The following SLC35F1 variants were observed in gnomAD, a reference collection of about 807,000 sequenced individuals.
The protein encoded by SLC35F1 is solute carrier family 35 member F1.
SLC35F1 carries 14 observed loss-of-function variants against 48.7 expected under a neutral mutation model. The ratio of observed to expected loss-of-function variants is 0.29; its 90% confidence interval spans 0.19 to 0.45. The LOEUF (loss-of-function observed/expected upper bound fraction) is 0.45, where lower values mean the gene tolerates loss of function less well. Among genes scored for constraint, SLC35F1 ranks in the 20% least tolerant of loss-of-function variants. The probability of loss-of-function intolerance (pLI) is 1.00; values close to 1 mark genes in which losing one functional copy is unlikely to be tolerated. For synonymous variants in SLC35F1, 190 were observed against 202.2 expected (o/e 0.94, Z 0.51); for missense variants, 404 against 500.0 (o/e 0.81, Z 1.83).
rs868864366 is a variant in SLC35F1, at chr6:118,292,691, T to G, written c.1002+7353T>G. Among the ~76,000 whole-genome samples the G allele has an allele frequency of 7.9e-3, 1,208 of 152,030 alleles. 11 individuals carry two copies. Among genetic ancestry groups the G allele is most frequent in the African/African-American group, 0.027 (1,128 of 41,486 alleles). On this transcript the variant is annotated intron_variant, in intron 7 of 7. Coordinates refer to ENST00000360388, the MANE Select transcript of SLC35F1 (RefSeq NM_001029858.4). ...CCTAACATTGATTATTTGGTTGTTT[T>G]TTTTTTTTTCACTTTCCACTCTTGG... is the stretch of plus-strand genomic sequence containing the variant.
chr6:118,207,311 A>G (rs1471084216), intron 2 of SLC35F1, among the ~76,000 whole-genome samples: 1 of 152,254 alleles, frequency 6.6e-6, no homozygotes, highest in East Asian at 1.9e-4. Flanking sequence ...GAAGGTTAGT[A>G]AATGAGTCAG....
At chr6:117,980,725 A>G (rs1221314506) in intron 1 of SLC35F1, among the ~76,000 whole-genome samples, 1 of 152,216 alleles carries the variant, frequency 6.6e-6, no homozygotes, top group East Asian at 1.9e-4. Flanking sequence ...AAAGTGTCAT[A>G]TGATTACTGA....
At chr6:117,999,747 T>C (rs1777062086) in intron 1 of SLC35F1, among the ~76,000 whole-genome samples, 1 of 150,932 alleles carries the variant, frequency 6.6e-6, no homozygotes, top group Admixed American at 6.6e-5. Context: ...ATAGACACAA[T>C]AAAAAATGAT....
chr6:118,124,545 A>T (rs1773596582), intron 1 of SLC35F1, among the ~76,000 whole-genome samples: 1 of 152,148 alleles, frequency 6.6e-6, no homozygotes, highest in South Asian at 2.1e-4. Context: ...CAAGAAGAGG[A>T]CCCAAGATCT....
In SLC35F1 at chr6:117,919,917, C is replaced by G. The variant is rs568792106; in HGVS notation, c.173+12018C>G. Reference sequence around the variant, plus strand: ...AGGCTTCAGGAAAGGGTTAGTGCCTCTTGAACTGGGGAGATTACAAAACGA... The same window carrying G: ...AGGCTTCAGGAAAGGGTTAGTGCCTGTTGAACTGGGGAGATTACAAAACGA... On this transcript the variant is annotated intron_variant, in intron 1 of 7. Transcript: ENST00000360388. Among the ~76,000 whole-genome samples, 4 of 152,246 alleles carry G rather than the reference C, an allele frequency of 2.6e-5. No homozygotes were observed. In the South Asian group the frequency reaches 6.2e-4, roughly 24 times the overall value.
At chr6:118,144,711 T>C (rs189458137) in intron 1 of SLC35F1, among the ~76,000 whole-genome samples, 1 of 151,828 alleles carries the variant, frequency 6.6e-6, no homozygotes, top group Non-Finnish European at 1.5e-5. Flanking sequence ...GAAAATATTA[T>C]CATTACTTTA....
intron 1 of SLC35F1, among the ~76,000 whole-genome samples, chr6:118,012,113 CT>C (rs1216276397): frequency 3.3e-5 from 5 of 151,834 alleles, no homozygotes; most frequent in Admixed American, 6.6e-5. Flanking sequence ...GAAAAAAAAT[CT>C]TTTATATTAA....
chr6:118,256,631 T>C (rs1432348252), intron 3 of SLC35F1, among the ~76,000 whole-genome samples: 1 of 152,134 alleles, frequency 6.6e-6, no homozygotes, highest in Non-Finnish European at 1.5e-5. Flanking sequence ...ACCATCAGCT[T>C]CCCTTGAAAA....
At chr6:118,096,108 C>A (rs1355230173) in intron 1 of SLC35F1, among the ~76,000 whole-genome samples, 1 of 152,198 alleles carries the variant, frequency 6.6e-6, no homozygotes, top group African/African-American at 2.4e-5. Flanking sequence ...TCCTGCTAAA[C>A]CTTGTTTCTC....
At chr6:118,073,136 A>G (rs1772762991) in intron 1 of SLC35F1, among the ~76,000 whole-genome samples, 1 of 152,216 alleles carries the variant, frequency 6.6e-6, no homozygotes, top group South Asian at 2.1e-4. Context: ...GTAAGGCTCT[A>G]GAAGGAGGGA....
At chr6:117,942,040 G>A (rs1292726231) in intron 1 of SLC35F1, among the ~76,000 whole-genome samples, 1 of 152,192 alleles carries the variant, frequency 6.6e-6, no homozygotes, top group Admixed American at 6.5e-5. Flanking sequence ...GGAGAGTAAA[G>A]TGTCAGAAAG....
At chr6:117,966,065 C>G (rs1176872930) in intron 1 of SLC35F1, among the ~76,000 whole-genome samples, 4 of 148,998 alleles carry the variant, frequency 2.7e-5, no homozygotes, top group Non-Finnish European at 4.4e-5. Context: ...CCAATCAGCT[C>G]TCTGTAAAAT....
At chr6:118,240,712 T>C (rs1431067872) in intron 3 of SLC35F1, among the ~76,000 whole-genome samples, 1 of 152,196 alleles carries the variant, frequency 6.6e-6, no homozygotes. Flanking sequence ...AAGATTTTCC[T>C]GAAGAACTGA....
At chr6:118,282,385 T>C (rs1775995097) in intron 6 of SLC35F1, among the ~76,000 whole-genome samples, 1 of 151,996 alleles carries the variant, frequency 6.6e-6, no homozygotes, top group Non-Finnish European at 1.5e-5. Flanking sequence ...TGATAGTGTA[T>C]ATATTCCACT....
intron 1 of SLC35F1, among the ~76,000 whole-genome samples, chr6:118,022,572 A>T (rs1777409014): frequency 6.6e-6 from 1 of 151,842 alleles, no homozygotes. Context: ...CCTGAGGCAG[A>T]GCTCTCACCT....
In SLC35F1 at chr6:117,953,386, A is replaced by G. The variant is rs559415560; in HGVS notation, c.173+45487A>G. On this transcript the variant is annotated intron_variant, in intron 1 of 7. Coordinates refer to ENST00000360388, the MANE Select transcript of SLC35F1 (RefSeq NM_001029858.4). ...AATTTTTTTCTAAATATGGCTTTGTACACATATATATCGACATGTATTTAT... is the reference window on the plus strand; with the variant it reads ...AATTTTTTTCTAAATATGGCTTTGTGCACATATATATCGACATGTATTTAT... Among the ~76,000 whole-genome samples, 6 of 152,108 alleles carry G rather than the reference A, an allele frequency of 3.9e-5. No individual in the cohort carries two copies. In the South Asian group the frequency reaches 1.2e-3, roughly 32 times the overall value.
intron 7 of SLC35F1, among the ~76,000 whole-genome samples, chr6:118,308,366 T>G (rs1043504892): frequency 3.3e-5 from 5 of 152,220 alleles, no homozygotes; most frequent in Admixed American, 1.3e-4. Flanking sequence ...TTTCACAAAC[T>G]TAATTAAAAG....
intron 1 of SLC35F1, among the ~76,000 whole-genome samples, chr6:117,948,103 A>G (rs1237282353): frequency 6.6e-6 from 1 of 152,210 alleles, no homozygotes; most frequent in Non-Finnish European, 1.5e-5. Context: ...CATTCAAGGA[A>G]TCTGAAAAAG....
At chr6:117,985,827 A>G (rs936229095) in intron 1 of SLC35F1, among the ~76,000 whole-genome samples, 4 of 152,228 alleles carry the variant, frequency 2.6e-5, no homozygotes, top group Non-Finnish European at 5.9e-5. Flanking sequence ...CTTAAGTTGG[A>G]TATCTGTCTT....
Sources: allele counts gnomAD v4.1 joint callset (sites outside exome capture counted in the v4.1 genomes callset), GRCh38; gene constraint gnomAD v4.1.1; transcripts MANE v1.5; gene names NCBI Gene and HGNC (gene_info 2026-07-23, HGNC 2026-07-21).